The following RGS10 variants were observed in gnomAD, a reference collection of about 807,000 sequenced individuals.
RGS10 encodes regulator of G-protein signalling 10.
Under a neutral mutation model 23.5 loss-of-function variants are expected in RGS10, and 11 were observed. The observed-to-expected ratio is 0.47, with a 90% CI of 0.29 to 0.77. RGS10 has a LOEUF of 0.77. RGS10 is among the 30% of genes least tolerant of loss of function. The pLI, the probability that RGS10 is intolerant of heterozygous loss-of-function variation, is 0.08. For synonymous variants in RGS10, 77 were observed against 83.2 expected, an observed-to-expected ratio of 0.92 and a Z score of 0.41; for missense variants, 180 against 226.3, an observed-to-expected ratio of 0.80 and a Z score of 1.31.
At chr10:119,502,468 C>T (rs367757722) in intron 4 of RGS10, among the ~76,000 whole-genome samples, 2 of 152,218 alleles carry the variant, frequency 1.3e-5, no homozygotes, top group Admixed American at 6.5e-5. Flanking sequence ...GGATGCGGTG[C>T]GACCCAAGCG....
chr10:119,515,936 A>C lies in RGS10; in HGVS notation c.256-284T>G, dbSNP rs551894661. On this transcript the variant is annotated intron_variant, in intron 3 of 4. Transcript: ENST00000369103. ...GATGACAGAAAGAATCCTGGCCCGCAGAGAGCACTCAGTACCATTTACAGC... is the reference window on the plus strand; with the variant it reads ...GATGACAGAAAGAATCCTGGCCCGCCGAGAGCACTCAGTACCATTTACAGC... Among the ~76,000 whole-genome samples the C allele has an allele frequency of 1.1e-4, 16 of 152,326 alleles. No individual in the cohort carries two copies. The South Asian group carries it at 3.3e-3, about 32-fold the overall frequency.
rs545028536 is a variant in RGS10 at position 119,537,088 on chromosome 10, G to A, written c.49+5502C>T. On this transcript the variant is annotated intron_variant, in intron 1 of 4. Coordinates refer to ENST00000369103, the MANE Select transcript of RGS10 (RefSeq NM_001005339.2). ...GGGTAGAGGGCACAGAAAGGAGGAC[G>A]GATAGCTATTAAAAATAGTTGAGGC... is the stretch of plus-strand genomic sequence containing the variant. Among the ~76,000 whole-genome samples, 110 of 152,282 alleles carry A rather than the reference G, an allele frequency of 7.2e-4. 1 individual carries two copies. Among genetic ancestry groups the A allele is most frequent in the African/African-American group, 2.4e-3 (100 of 41,560 alleles).
At position 119,538,173 on chromosome 10, in the gene RGS10, A is replaced by C. The variant is rs1354852690; in HGVS notation, c.49+4417T>G. Among the ~76,000 whole-genome samples the C allele has an allele frequency of 6.6e-6, 1 of 151,686 alleles. No individual in the cohort carries two copies. Among genetic ancestry groups the C allele is most frequent in the Non-Finnish European group, 1.5e-5 (1 of 68,000 alleles). ...GGAAGGGAGGGAGGGAGTGGAGGAG[A>C]GAGGGATGGAGGAAGGGAGGAAAGT... On this transcript the variant is annotated intron_variant, in intron 1 of 4. Coordinates refer to ENST00000369103, the MANE Select transcript of RGS10 (RefSeq NM_001005339.2). The surrounding 1 kb of genome is among the most constrained non-coding windows in gnomAD (Gnocchi z 4.5).
At chr10:119,510,379 G>A (rs1844063562) in intron 4 of RGS10, among the ~76,000 whole-genome samples, 1 of 152,082 alleles carries the variant, frequency 6.6e-6, no homozygotes, top group Non-Finnish European at 1.5e-5. Context: ...CCTCTCCTTG[G>A]AAGGTCCCGG....
Position 119,542,598 on chromosome 10 carries a change from G to A in RGS10, c.41C>T (p.Pro14Leu). 1.4e-6 allele frequency: 2 copies of A among 1,425,768 alleles called. No individual in the cohort carries two copies. Among genetic ancestry groups the A allele is most frequent in the Non-Finnish European group, 1.8e-6 (2 of 1,087,688 alleles). 88.3% of individuals were successfully genotyped at this position (1,425,768 alleles called of 1,614,324 possible). A position where few individuals can be genotyped will look rare whatever the true frequency, so the allele number is the denominator to read the frequency against. Residue 14 changes from proline to leucine, a missense_variant, in exon 1 of 5, where the codon CCG becomes CTG. By Grantham distance (98) the Pro-to-Leu change is moderately conservative (BLOSUM62 -3). Transcript: ENST00000369103. ...CCCCCGAAGCCGCTTACCTGACGGC[G>A]GCCGCTTCCTGCTCAGCCGGCTCAC... Reference protein sequence around the residue: ...RAVSRLSRKRPPSDIHDSDGS... With the variant: ...RAVSRLSRKRLPSDIHDSDGS...
At chr10:119,513,969 T>C (rs1354118117) in intron 4 of RGS10, among the ~76,000 whole-genome samples, 3 of 152,202 alleles carry the variant, frequency 2.0e-5, no homozygotes, top group African/African-American at 7.2e-5. Context: ...ACCTTGCTTT[T>C]CTCATCAGCA....
At chr10:119,522,224 T>C (rs1844226275) in intron 3 of RGS10, among the ~76,000 whole-genome samples, 1 of 152,140 alleles carries the variant, frequency 6.6e-6, no homozygotes, top group African/African-American at 2.4e-5. Context: ...TATGTGAAGT[T>C]GTTGAATGCT....
chr10:119,536,566 C>T lies in RGS10; in HGVS notation c.49+6024G>A, dbSNP rs761714257. On this transcript the variant is annotated intron_variant, in intron 1 of 4. Transcript: ENST00000369103. ...AGAAAGGCAGAGACTGGAGGGCTCC[C>T]GAGCACCCTTGGGTCCGAAGAAAAA... 17 of 1,543,530 alleles carry T rather than the reference C, an allele frequency of 1.1e-5. No homozygotes were observed. In the East Asian group the frequency reaches 1.7e-4, roughly 15 times the overall value.
At chr10:119,533,069 GAA>G (rs1329717449) in intron 1 of RGS10, among the ~76,000 whole-genome samples, 2 of 114,778 alleles carry the variant, frequency 1.7e-5, no homozygotes, top group Admixed American at 1.8e-4. Context: ...CATAAAAAAA[GAA>G]AAGAGGCCGG....
At chr10:119,516,937 A>G (rs1844151422) in intron 3 of RGS10, among the ~76,000 whole-genome samples, 1 of 152,218 alleles carries the variant, frequency 6.6e-6, no homozygotes, top group African/African-American at 2.4e-5. Flanking sequence ...AGTCTAAAGC[A>G]TGACCTTACC....
At chr10:119,535,575 T>A (rs1162084117) in intron 1 of RGS10, among the ~76,000 whole-genome samples, 1 of 152,222 alleles carries the variant, frequency 6.6e-6, no homozygotes, top group Non-Finnish European at 1.5e-5. Flanking sequence ...CGGAGATGAA[T>A]GCTCACAGCA....
intron 4 of RGS10, among the ~76,000 whole-genome samples, chr10:119,507,466 C>G (rs1844027757): frequency 6.6e-6 from 1 of 152,136 alleles, no homozygotes; most frequent in Non-Finnish European, 1.5e-5. Context: ...AGCATTTTTC[C>G]CCTCTTACGT....
intron 3 of RGS10, among the ~76,000 whole-genome samples, chr10:119,519,497 C>T (rs1844187290): frequency 7.3e-6 from 1 of 137,078 alleles, no homozygotes; most frequent in South Asian, 2.5e-4. Flanking sequence ...CCCTGTCTCC[C>T]AGCTCCTGTC....
At position 119,538,008 on chromosome 10, in the gene RGS10, G is replaced by A. The variant is rs1844405153; in HGVS notation, c.49+4582C>T. ...TGGATCAGGACAGCTCTTTACCTGA[G>A]ATTATATCTTTCCTACTATTGGGGG... On this transcript the variant is annotated intron_variant, in intron 1 of 4. Coordinates refer to ENST00000369103, the MANE Select transcript of RGS10 (RefSeq NM_001005339.2). This position sits in a 1 kb window ranked among gnomAD's most constrained non-coding sequence, Gnocchi z 4.5. Among the ~76,000 whole-genome samples, 1 of 152,180 alleles carries A rather than the reference G, an allele frequency of 6.6e-6. No homozygotes were observed. Among genetic ancestry groups the A allele is most frequent in the African/African-American group, 2.4e-5 (1 of 41,434 alleles).
At chr10:119,508,990 A>G (rs187949107) in intron 4 of RGS10, among the ~76,000 whole-genome samples, 68 of 152,156 alleles carry the variant, frequency 4.5e-4, no homozygotes, top group Admixed American at 2.3e-3. Context: ...AGTCCCAGCT[A>G]CTCAGCAGTC....
Position 119,499,987 on chromosome 10 carries a change from C to A in RGS10, c.*126G>T, listed in dbSNP as rs540848997. 5 of 893,150 alleles carry A rather than the reference C, an allele frequency of 5.6e-6. No individual in the cohort carries two copies. Among genetic ancestry groups the A allele is most frequent in the East Asian group, 2.6e-5 (1 of 38,594 alleles). The allele number at this position is 893,150 out of a possible 1,614,324, so 55.3% of individuals were successfully genotyped here. On this transcript the variant is annotated 3_prime_UTR_variant, in exon 5 of 5. Coordinates refer to ENST00000369103, the MANE Select transcript of RGS10 (RefSeq NM_001005339.2). Reference sequence around the variant, plus strand: ...TACTGGTGAAGCAGTTAATAAAACACACATCCCATTGAAGGGTTTTGTACA... The same window carrying A: ...TACTGGTGAAGCAGTTAATAAAACAAACATCCCATTGAAGGGTTTTGTACA...
intron 4 of RGS10, among the ~76,000 whole-genome samples, chr10:119,502,803 C>T (rs1306669944): frequency 6.6e-6 from 1 of 152,216 alleles, no homozygotes; most frequent in Non-Finnish European, 1.5e-5. Flanking sequence ...GTCCCTCAGG[C>T]AGAGGTTTCC....
Position 119,534,304 on chromosome 10 carries a change from T to TAAATAAATA in RGS10, c.50-6881_50-6880insTATTTATTT, listed in dbSNP as rs1554858928. 2.5e-3 allele frequency among the ~76,000 whole-genome samples: 289 copies of TAAATAAATA among 117,254 alleles called. 3 individuals are homozygous for TAAATAAATA. Among genetic ancestry groups the TAAATAAATA allele is most frequent in the East Asian group, 4.3e-3 (16 of 3,726 alleles). The allele number at this position is 117,254 out of a possible 152,430, so 76.9% of individuals were successfully genotyped here. A position where few individuals can be genotyped will look rare whatever the true frequency, so the allele number is the denominator to read the frequency against. On this transcript the variant is annotated intron_variant, in intron 1 of 4. Transcript: ENST00000369103. Reference sequence around the variant, plus strand: ...ATAAATAAATAAATAAATAAATAAATAAAAAAGGCCAGGCACTGTGGCTCA... The same window carrying TAAATAAATA: ...ATAAATAAATAAATAAATAAATAAATAAATAAATAAAAAAAGGCCAGGCACTGTGGCTCA...
At chr10:119,515,363 A>C in intron 4 of RGS10, 146 bp downstream of exon 4, 1 of 926,644 alleles carries the variant, frequency 1.1e-6, no homozygotes, top group Non-Finnish European at 1.6e-6. Context: ...ACTCTCCCCA[A>C]CCATGGCCCC....
Sources: allele counts gnomAD v4.1 joint callset (sites outside exome capture counted in the v4.1 genomes callset), GRCh38; gene constraint gnomAD v4.1.1; non-coding constraint Gnocchi (gnomAD v3.1); transcripts MANE v1.5; gene names NCBI Gene and HGNC (gene_info 2026-07-23, HGNC 2026-07-21).